AOPEP: variants seen among roughly 807,000 people sequenced by gnomAD.
The protein encoded by AOPEP is aminopeptidase O (putative).
In AOPEP, 77 loss-of-function variants were observed where a neutral mutation model predicts 98.1. The ratio of observed to expected loss-of-function variants is 0.78; its 90% CI spans 0.65 to 0.95. AOPEP has a LOEUF of 0.95. Among genes scored for constraint, AOPEP ranks in the 40% least tolerant of loss-of-function variants. AOPEP has a pLI of 0.00. For synonymous variants in AOPEP, 346 were observed against 365.3 expected (o/e 0.95, Z 0.60); for missense variants, 1,024 against 1,024.7 (o/e 1.00, Z 0.01).
At chr9:94,805,491 G>GT (rs545600539) in intron 5 of AOPEP, among the ~76,000 whole-genome samples, 6,990 of 140,860 alleles carry the variant, frequency 0.05, 506 homozygotes, top group African/African-American at 0.17. Flanking sequence ...TTTGTTTTTT[G>GT]TTTTTTTTTT....
At chr9:94,970,513 A>G (rs1172575183) in intron 10 of AOPEP, among the ~76,000 whole-genome samples, 1 of 151,928 alleles carries the variant, frequency 6.6e-6, no homozygotes, top group Non-Finnish European at 1.5e-5. Flanking sequence ...CTACCTTTTC[A>G]TGTTCATTCC....
the AOPEP span, among the ~76,000 whole-genome samples, chr9:95,134,313 C>T: frequency 1.2e-4 from 19 of 152,128 alleles, no homozygotes; most frequent in African/African-American, 4.6e-4. Context: ...TTGAAGGCCT[C>T]TAGGAGGTAG....
At chr9:94,961,001 G>A (rs1410161397) in intron 9 of AOPEP, among the ~76,000 whole-genome samples, 3 of 133,466 alleles carry the variant, frequency 2.2e-5, no homozygotes, top group African/African-American at 9.0e-5. Flanking sequence ...GCGACAGAGC[G>A]AGAATCTGTC....
intron 5 of AOPEP, among the ~76,000 whole-genome samples, chr9:94,815,651 G>A (rs536417631): frequency 6.6e-6 from 1 of 152,184 alleles, no homozygotes; most frequent in East Asian, 1.9e-4. Context: ...CCCTGGCTGC[G>A]ACAGATCTTA....
chr9:94,779,343 G>C (rs1272896562), intron 3 of AOPEP, among the ~76,000 whole-genome samples: 1 of 152,164 alleles, frequency 6.6e-6, no homozygotes, highest in Non-Finnish European at 1.5e-5. Flanking sequence ...GATGCCATGT[G>C]GCTCTCCCCA....
At chr9:94,733,899 A>G (rs1326974418) in intron 1 of AOPEP, among the ~76,000 whole-genome samples, 1 of 152,194 alleles carries the variant, frequency 6.6e-6, no homozygotes. Context: ...GTATATTTTA[A>G]ACCTTGATGA....
the AOPEP span, among the ~76,000 whole-genome samples, chr9:95,097,956 A>C: frequency 6.6e-6 from 1 of 152,168 alleles, no homozygotes; most frequent in Non-Finnish European, 1.5e-5. Flanking sequence ...AACATTTGGC[A>C]GAGGGAAGAA....
intron 5 of AOPEP, among the ~76,000 whole-genome samples, chr9:94,870,187 ACC>A (rs2046186146): frequency 6.6e-6 from 1 of 152,046 alleles, no homozygotes; most frequent in African/African-American, 2.4e-5. Flanking sequence ...ACGGGGTTTC[ACC>A]ATGTTAGCCA....
At chr9:95,075,935 C>CGATGGGATG (rs990733044) in intron 14 of AOPEP, among the ~76,000 whole-genome samples, 15 of 152,322 alleles carry the variant, frequency 9.8e-5, no homozygotes, top group African/African-American at 3.6e-4. Flanking sequence ...TAAGCTGCCC[C>CGATGGGATG]GATGGGGATG....
chr9:95,126,859 T>G, the AOPEP span: 1 of 426,398 alleles, frequency 2.3e-6, no homozygotes, highest in Non-Finnish European at 4.4e-6. Context: ...TAATACAGAA[T>G]CAGTAAGTAT....
At chr9:95,088,167 A>G (rs2070811257), downstream of AOPEP, among the ~76,000 whole-genome samples, 1 of 151,970 alleles carries the variant, frequency 6.6e-6, no homozygotes, top group Non-Finnish European at 1.5e-5. Context: ...GTGGAGATTT[A>G]GAATGAACGA....
chr9:94,856,148 C>G (rs1173641692), intron 5 of AOPEP, among the ~76,000 whole-genome samples: 1 of 152,192 alleles, frequency 6.6e-6, no homozygotes, highest in African/African-American at 2.4e-5. Context: ...GTGCATTTGA[C>G]TCAGGCCACG....
At chr9:95,149,826 C>T in the AOPEP span, 12 of 1,382,564 alleles carry the variant, frequency 8.7e-6, no homozygotes, top group African/African-American at 1.4e-5. Context: ...GAGACAAAAA[C>T]GTTTGGACAC....
chr9:94,936,019 T>C (rs1433061579), intron 7 of AOPEP, among the ~76,000 whole-genome samples: 1 of 152,156 alleles, frequency 6.6e-6, no homozygotes, highest in Non-Finnish European at 1.5e-5. Context: ...GCCAATTTCA[T>C]CTCCTAAGGA....
intron 16 of AOPEP, 41 bp from the exon 17 acceptor site, chr9:95,086,641 C>T (rs867304380): frequency 5.1e-6 from 5 of 987,186 alleles, no homozygotes; most frequent in Non-Finnish European, 6.0e-6. Context: ...GAATTCCTCC[C>T]GGTGACTGGG....
chr9:95,039,644 G>A (rs771774748), intron 13 of AOPEP, among the ~76,000 whole-genome samples: 29 of 152,136 alleles, frequency 1.9e-4, no homozygotes, highest in Non-Finnish European at 4.0e-4. Context: ...TTTAACATAA[G>A]TAATATTTCT....
intron 5 of AOPEP, among the ~76,000 whole-genome samples, chr9:94,887,580 A>G (rs1300498620): frequency 6.6e-6 from 1 of 152,144 alleles, no homozygotes; most frequent in Non-Finnish European, 1.5e-5. Context: ...CATAAACTCT[A>G]AAGTGCTAAA....
intron 11 of AOPEP, among the ~76,000 whole-genome samples, chr9:95,004,585 T>C (rs2061794502): frequency 6.6e-6 from 1 of 152,090 alleles, no homozygotes. Context: ...GGTTTCCGAC[T>C]CCAGGAGCGC....
chr9:94,937,832 T>G (rs2056496007), intron 7 of AOPEP, among the ~76,000 whole-genome samples: 1 of 152,234 alleles, frequency 6.6e-6, no homozygotes, highest in Non-Finnish European at 1.5e-5. Context: ...GTTTACCACA[T>G]TAAATTGCCA....
Sources: gnomAD v4.1 joint callset for allele counts (sites outside exome capture counted in the v4.1 genomes callset) on GRCh38, gnomAD v4.1.1 for gene constraint, MANE v1.5 for transcripts, NCBI Gene and HGNC (gene_info 2026-07-23, HGNC 2026-07-21) for gene names.